The following FBLN2 variants were observed in gnomAD, a reference collection of about 807,000 sequenced individuals.
FBLN2 encodes the protein fibulin 2, also known as fibulin-2.
In FBLN2, 81 loss-of-function variants were observed where a neutral mutation model predicts 123.7. The observed-to-expected ratio is 0.65, with a 90% CI of 0.55 to 0.79. The LOEUF (loss-of-function observed/expected upper bound fraction) is 0.79, where lower values mean the gene tolerates loss of function less well. Among genes scored for constraint, FBLN2 ranks in the 30% least tolerant of loss-of-function variants. FBLN2 has a pLI of 0.00. For missense variants in FBLN2, 1,603 were observed against 1,681.3 expected, an observed-to-expected ratio of 0.95 and a Z score of 0.81; for synonymous variants, 699 against 701.4, an observed-to-expected ratio of 1.00 and a Z score of 0.05.
At position 13,636,431 on chromosome 3, in the gene FBLN2, C is replaced by A. The variant is rs746895368; in HGVS notation, c.3215-14C>A. ...AGCTGTGGGGACCCTGCCATTGCCC[C>A]TCTTCTCCCCCAGACGTGGATGAGT... is the stretch of plus-strand genomic sequence containing the variant. On this transcript the variant is annotated splice_polypyrimidine_tract_variant and intron_variant, in intron 16 of 17. Transcript: ENST00000404922. The A allele has an allele frequency of 4.3e-6, 7 of 1,612,968 alleles. No individual in the cohort carries two copies. In the African/African-American group the frequency reaches 6.7e-5, roughly 15 times the overall value.
intron 8 of FBLN2, 117 bp from the exon 9 acceptor site, chr3:13,621,658 A>G: frequency 2.8e-6 from 3 of 1,074,180 alleles, no homozygotes; most frequent in Non-Finnish European, 2.7e-6. Context: ...TCAGGCGGGG[A>G]GGCCCCAGAC....
chr3:13,621,974 A>G (rs1705869340), intron 9 of FBLN2, 59 bp downstream of exon 9: 5 of 1,577,470 alleles, frequency 3.2e-6, no homozygotes, highest in Non-Finnish European at 4.3e-6. Flanking sequence ...CTCCACGCCA[A>G]GCCCACCACA....
chr3:13,557,360 G>C (rs1292351223), intron 1 of FBLN2, among the ~76,000 whole-genome samples: 1 of 152,204 alleles, frequency 6.6e-6, no homozygotes, highest in Non-Finnish European at 1.5e-5. Flanking sequence ...TTCTTTCTTT[G>C]TTTTCACAAA....
chr3:13,598,274 T>C (rs192115114), intron 2 of FBLN2, among the ~76,000 whole-genome samples: 2 of 152,236 alleles, frequency 1.3e-5, no homozygotes, highest in East Asian at 3.9e-4. Context: ...ATGCAATGAG[T>C]CTTACGTTCC....
rs57191985 is a variant in FBLN2 at position 13,617,578 on chromosome 3, C to CCCATCCATCCAT, written c.1730-466_1730-455dup. ...CACCCATCCAGTTACAACCCATCCACCCATCCATCCATCCATCCATCCATC... is the reference window on the plus strand; with the variant it reads ...CACCCATCCAGTTACAACCCATCCACCCATCCATCCATCCATCCATCCATCCATCCATCCATC... On this transcript the variant is annotated intron_variant, in intron 5 of 17. Transcript: ENST00000404922. Among the ~76,000 whole-genome samples the CCCATCCATCCAT allele has an allele frequency of 1.6e-4, 19 of 119,392 alleles. No homozygotes were observed. In the Admixed American group the frequency reaches 1.6e-3, roughly 10 times the overall value. 78.3% of individuals were successfully genotyped at this position (119,392 alleles called of 152,430 possible).
At chr3:13,591,405 G>A (rs548795048) in intron 2 of FBLN2, among the ~76,000 whole-genome samples, 53 of 152,308 alleles carry the variant, frequency 3.5e-4, no homozygotes, top group African/African-American at 1.3e-3. Flanking sequence ...TTGGAATGAA[G>A]TATCATCTAT....
intron 8 of FBLN2, among the ~76,000 whole-genome samples, chr3:13,620,142 G>A (rs1705800169): frequency 6.6e-6 from 1 of 152,196 alleles, no homozygotes; most frequent in African/African-American, 2.4e-5. Flanking sequence ...CTGAGTCCCT[G>A]GAGGCCTGGG....
rs527766154 is a variant in FBLN2, at chr3:13,570,305, A to T, written c.-41-10A>T. 1 of 1,465,088 alleles carries T rather than the reference A, an allele frequency of 6.8e-7. No homozygotes were observed. The highest frequency in any genetic ancestry group is 1.4e-5 in the South Asian group (1 of 71,788). The allele number at this position is 1,465,088 out of a possible 1,614,324, so 90.8% of individuals were successfully genotyped here. ...CCAGTACTGACAGGCTTCCTTTCTG[A>T]TTCCCCCAGGGTCTTACAGGAGAGG... On this transcript the variant is annotated splice_polypyrimidine_tract_variant and intron_variant, in intron 1 of 17. Coordinates refer to ENST00000404922, the MANE Select transcript of FBLN2 (RefSeq NM_001004019.2).
chr3:13,576,720 TCC>T (rs111724365), intron 2 of FBLN2, among the ~76,000 whole-genome samples: 219 of 135,930 alleles, frequency 1.6e-3, no homozygotes, highest in Middle Eastern at 7.6e-3. Context: ...GTCAGGGGGA[TCC>T]CCCCCCCCCG....
intron 2 of FBLN2, among the ~76,000 whole-genome samples, chr3:13,607,179 G>T (rs368160535): frequency 1.3e-5 from 2 of 150,902 alleles, no homozygotes; most frequent in East Asian, 3.9e-4. Flanking sequence ...GTAGAGACAG[G>T]GTTTCACCCT....
At chr3:13,555,750 A>G (rs1226873026) in intron 1 of FBLN2, among the ~76,000 whole-genome samples, 1 of 152,228 alleles carries the variant, frequency 6.6e-6, no homozygotes. Context: ...CACTGTGCCC[A>G]GCACCCTGGT....
chr3:13,589,544 G>A (rs1052741047), intron 2 of FBLN2, among the ~76,000 whole-genome samples: 1 of 152,118 alleles, frequency 6.6e-6, no homozygotes, highest in African/African-American at 2.4e-5. Context: ...AGGGGGAAGG[G>A]GGCTCAGTGA....
chr3:13,618,961 C>G lies in FBLN2; in HGVS notation c.1997C>G (p.Ser666Cys). The stretch of plus-strand genomic sequence containing the variant: ...GAGCCTGCACTGAAGTCAGAATTTT[C>G]CCAGGTGGCCTCTAACACCATCCCG... The part of the protein sequence containing the change: ...PQEPALKSEF[S>C]QVASNTIPLP... The change falls in exon 7 of 18, where the codon TCC becomes TGC. Residue 666 changes from serine to cysteine, a missense_variant. Coordinates refer to ENST00000404922, the MANE Select transcript of FBLN2 (RefSeq NM_001004019.2). 1.2e-6 allele frequency: 2 copies of G among 1,613,368 alleles called. No individual in the cohort carries two copies. The highest frequency in any genetic ancestry group is 1.7e-6 in the Non-Finnish European group (2 of 1,179,732).
In FBLN2 at chr3:13,591,969, C is replaced by T. The variant is rs142747493; in HGVS notation, c.1307-16093C>T. The stretch of plus-strand genomic sequence containing the variant: ...TACTGCGTTACATTGTTAGCTTCTC[C>T]AGGAATCCAGTGGCTGCATCTGTAT... On this transcript the variant is annotated intron_variant, in intron 2 of 17. Transcript: ENST00000404922. 1.5e-3 allele frequency among the ~76,000 whole-genome samples: 229 copies of T among 151,948 alleles called. 7 individuals are homozygous for T. Among genetic ancestry groups the T allele is most frequent in the Admixed American group, 0.014 (211 of 15,248 alleles).
intron 1 of FBLN2, among the ~76,000 whole-genome samples, chr3:13,560,981 A>C (rs148503175): frequency 6.6e-6 from 1 of 152,096 alleles, no homozygotes; most frequent in Non-Finnish European, 1.5e-5. Flanking sequence ...AAAAAACACA[A>C]ACATACAAAA....
At chr3:13,604,624 A>G (rs1409933421) in intron 2 of FBLN2, among the ~76,000 whole-genome samples, 2 of 152,194 alleles carry the variant, frequency 1.3e-5, no homozygotes, top group African/African-American at 2.4e-5. Context: ...ACAATGCTAT[A>G]TAGTAGCATG....
intron 1 of FBLN2, among the ~76,000 whole-genome samples, chr3:13,556,518 G>A (rs1362113604): frequency 1.3e-5 from 2 of 152,224 alleles, no homozygotes; most frequent in African/African-American, 4.8e-5. Context: ...CTTTCACATA[G>A]AAATGTAGGG....
intron 16 of FBLN2, among the ~76,000 whole-genome samples, chr3:13,632,429 A>G (rs1357348437): frequency 6.6e-6 from 1 of 152,204 alleles, no homozygotes; most frequent in African/African-American, 2.4e-5. Flanking sequence ...TTGGCCCGCA[A>G]AAGCAGAGGG....
At chr3:13,608,859 A>C (rs1366854938) in intron 3 of FBLN2, among the ~76,000 whole-genome samples, 1 of 152,038 alleles carries the variant, frequency 6.6e-6, no homozygotes. Flanking sequence ...CATGTTTCCC[A>C]ATGTCCAGAC....
Sources: gnomAD v4.1 joint callset for allele counts (sites outside exome capture counted in the v4.1 genomes callset) on GRCh38, gnomAD v4.1.1 for gene constraint, MANE v1.5 for transcripts, NCBI Gene and HGNC (gene_info 2026-07-23, HGNC 2026-07-21) for gene names.